CACNA1C: variants seen among roughly 807,000 people sequenced by gnomAD.
The protein encoded by CACNA1C is voltage-dependent L-type calcium channel subunit alpha-1C.
A neutral mutation model predicts 229.0 loss-of-function variants in CACNA1C; 30 were observed. That is an observed-to-expected ratio of 0.13 (90% CI 0.10 to 0.18). CACNA1C has a LOEUF of 0.18. CACNA1C is among the 10% of genes least tolerant of loss of function. The pLI is 1.00. For missense variants in CACNA1C, 1,658 were observed against 2,845.0 expected (o/e 0.58, Z 9.49); for synonymous variants, 1,114 against 1,132.5 (o/e 0.98, Z 0.33).
At chr12:2,218,311 T>G (rs541464357) in intron 3 of CACNA1C, among the ~76,000 whole-genome samples, 2 of 152,254 alleles carry the variant, frequency 1.3e-5, no homozygotes, top group East Asian at 3.9e-4. Flanking sequence ...TATGACCGGC[T>G]CCCTCCAAAG....
chr12:2,413,648 G>A lies in CACNA1C; in HGVS notation c.478-35328G>A, dbSNP rs536543912. ...GCCCCTCTGGCTGGGTCTGGCCGCC[G>A]TCCTACCATCTCACTCAAGTCCCGC... On this transcript the variant is annotated intron_variant, in intron 3 of 46. Transcript: ENST00000399655. Among the ~76,000 whole-genome samples, 79 of 152,242 alleles carry A rather than the reference G, an allele frequency of 5.2e-4. 1 individual carries two copies. The highest frequency in any genetic ancestry group is 1.7e-3 in the African/African-American group (71 of 41,550).
chr12:2,305,509 A>G lies in CACNA1C; in HGVS notation c.478-143467A>G, dbSNP rs567415949. 2.6e-5 allele frequency among the ~76,000 whole-genome samples: 4 copies of G among 152,292 alleles called. 1 individual carries two copies. The East Asian group carries it at 7.7e-4, about 29-fold the overall frequency. Reference sequence around the variant, plus strand: ...GCTGGACATATTTGTGGAGGTCCAGACACAACTCAGTCTGGGTCATTTCTT... The same window carrying G: ...GCTGGACATATTTGTGGAGGTCCAGGCACAACTCAGTCTGGGTCATTTCTT... On this transcript the variant is annotated intron_variant, in intron 3 of 46. Coordinates refer to ENST00000399655, the MANE Select transcript of CACNA1C (RefSeq NM_000719.7).
At chr12:2,687,874 A>C (rs2097589144) in intron 45 of CACNA1C, among the ~76,000 whole-genome samples, 1 of 152,224 alleles carries the variant, frequency 6.6e-6, no homozygotes, top group Admixed American at 6.5e-5. Flanking sequence ...ACCGGATTTA[A>C]CAATGGCTCA....
chr12:2,593,424 C>G, intron 19 of CACNA1C, 79 bp downstream of exon 19: 3 of 1,482,234 alleles, frequency 2.0e-6, no homozygotes, highest in Non-Finnish European at 2.8e-6. Flanking sequence ...TTACCTGAAC[C>G]TCTGGATGGA....
intron 4 of CACNA1C, among the ~76,000 whole-genome samples, chr12:2,450,416 A>C (rs1057044556): frequency 1.2e-4 from 18 of 151,650 alleles, no homozygotes; most frequent in African/African-American, 4.1e-4. Context: ...TAGCCGGGCG[A>C]GGTGGCGGGC....
chr12:2,555,592 T>A (rs371602057), intron 10 of CACNA1C, among the ~76,000 whole-genome samples: 1 of 152,184 alleles, frequency 6.6e-6, no homozygotes, highest in East Asian at 1.9e-4. Context: ...TGGCTGTAAA[T>A]AACAATGCTG....
chr12:2,446,202 GAT>G (rs1491332989), intron 3 of CACNA1C, among the ~76,000 whole-genome samples: 5 of 131,632 alleles, frequency 3.8e-5, no homozygotes, highest in Non-Finnish European at 6.6e-5. Flanking sequence ...TGGGTGGGTG[GAT>G]GGATGGATGG....
chr12:2,587,450 G>A (rs923130369), intron 18 of CACNA1C, among the ~76,000 whole-genome samples: 1 of 152,242 alleles, frequency 6.6e-6, no homozygotes, highest in African/African-American at 2.4e-5. Flanking sequence ...TCTAGCATGA[G>A]GGTCTTTTCA....
intron 3 of CACNA1C, among the ~76,000 whole-genome samples, chr12:2,356,133 G>T (rs11614550): frequency 6.6e-6 from 1 of 152,210 alleles, no homozygotes; most frequent in Admixed American, 6.5e-5. Flanking sequence ...CAATTACCTG[G>T]TGCAGTAGCT....
intron 1 of CACNA1C, among the ~76,000 whole-genome samples, chr12:2,055,532 G>C (rs2154508069): frequency 6.6e-6 from 1 of 152,200 alleles, no homozygotes; most frequent in East Asian, 1.9e-4. Flanking sequence ...TGTTTTCTTT[G>C]GCCCCTTTGC....
At chr12:2,491,704 A>G (rs1049018129) in intron 6 of CACNA1C, among the ~76,000 whole-genome samples, 18 of 152,212 alleles carry the variant, frequency 1.2e-4, no homozygotes, top group African/African-American at 4.1e-4. Flanking sequence ...ACAATCGGGC[A>G]TATATTTTCA....
chr12:2,644,571 C>G (rs149720686), intron 30 of CACNA1C, among the ~76,000 whole-genome samples: 216 of 152,286 alleles, frequency 1.4e-3, no homozygotes, highest in African/African-American at 5.1e-3. Flanking sequence ...CCAGGAAACA[C>G]ATCCTGCGGC....
intron 9 of CACNA1C, among the ~76,000 whole-genome samples, chr12:2,544,151 A>G (rs1478429304): frequency 1.3e-5 from 2 of 151,804 alleles, no homozygotes; most frequent in African/African-American, 4.8e-5. Context: ...GAGAAGTGAA[A>G]AAAAAAAAAA....
intron 3 of CACNA1C, among the ~76,000 whole-genome samples, chr12:2,415,242 A>G (rs902855553): frequency 6.6e-6 from 1 of 152,108 alleles, no homozygotes; most frequent in Admixed American, 6.5e-5. Context: ...AATTTTTGCT[A>G]GTCTTTTTTA....
chr12:2,592,526 G>A lies in CACNA1C; in HGVS notation c.2531-687G>A, dbSNP rs538568250. On this transcript the variant is annotated intron_variant, in intron 18 of 46. Coordinates refer to ENST00000399655, the MANE Select transcript of CACNA1C (RefSeq NM_000719.7). ...CAGCCCAGGATGGGCAGTGCTTCCCGTCATGAGCGTTGTGCTGGCAAGCAC... is the reference window on the plus strand; with the variant it reads ...CAGCCCAGGATGGGCAGTGCTTCCCATCATGAGCGTTGTGCTGGCAAGCAC... Among the ~76,000 whole-genome samples the A allele has an allele frequency of 5.3e-5, 8 of 152,276 alleles. No homozygotes were observed. In the South Asian group the frequency reaches 8.3e-4, roughly 16 times the overall value.
chr12:2,651,806 A>C lies in CACNA1C; in HGVS notation c.4074+38A>C. 1 of 1,516,052 alleles carries C rather than the reference A, an allele frequency of 6.6e-7. No homozygotes were observed. The highest frequency in any genetic ancestry group is 9.0e-7 in the Non-Finnish European group (1 of 1,111,696). The allele number at this position is 1,516,052 out of a possible 1,614,324, so 93.9% of individuals were successfully genotyped here. A position where few individuals can be genotyped will look rare whatever the true frequency, so the allele number is the denominator to read the frequency against. On this transcript the variant is annotated intron_variant, in intron 32 of 46. Transcript: ENST00000399655. The surrounding 1 kb of genome is among the most constrained non-coding windows in gnomAD (Gnocchi z 5.4). ...CATGTCCTGCGGCCCGGGGAATCGC[A>C]GGGCTGCCGCGTGGCCCAGAACACA...
Position 2,651,475 on chromosome 12 carries a change from T to G in CACNA1C, c.3946-165T>G. On this transcript the variant is annotated intron_variant, in intron 31 of 46. Coordinates refer to ENST00000399655, the MANE Select transcript of CACNA1C (RefSeq NM_000719.7). This position sits in a 1 kb window ranked among gnomAD's most constrained non-coding sequence, Gnocchi z 5.4. The stretch of plus-strand genomic sequence containing the variant: ...ACCATGGGGCTGGGCTGTCCACTCA[T>G]TAAAGTGGGCGGCCGCCCTCCCATC... 2 of 942,738 alleles carry G rather than the reference T, an allele frequency of 2.1e-6. No individual in the cohort carries two copies. The highest frequency in any genetic ancestry group is 3.3e-6 in the Non-Finnish European group (2 of 606,472). The allele number at this position is 942,738 out of a possible 1,614,324, so 58.4% of individuals were successfully genotyped here.
chr12:2,547,655 T>TTG (rs144986025), intron 9 of CACNA1C: 169 of 640,844 alleles, frequency 2.6e-4, no homozygotes, highest in East Asian at 5.4e-4. Flanking sequence ...TGTATATATG[T>TTG]TGTGTGTGTG....
At chr12:2,003,541 G>C (rs1015473931) in intron 1 of CACNA1C, among the ~76,000 whole-genome samples, 1 of 152,204 alleles carries the variant, frequency 6.6e-6, no homozygotes, top group African/African-American at 2.4e-5. Flanking sequence ...CAGGATTCCA[G>C]TGTTCTAGGC....
Sources: allele counts gnomAD v4.1 joint callset (sites outside exome capture counted in the v4.1 genomes callset), GRCh38; gene constraint gnomAD v4.1.1; non-coding constraint Gnocchi (gnomAD v3.1); transcripts MANE v1.5; gene names NCBI Gene and HGNC (gene_info 2026-07-23, HGNC 2026-07-21).